LY75: variants seen among roughly 807,000 people sequenced by gnomAD.
The protein encoded by LY75 is C-type lectin domain family 13 member B.
Under a neutral mutation model 231.7 loss-of-function variants are expected in LY75, and 185 were observed. That is an observed-to-expected ratio of 0.80 (90% CI 0.71 to 0.90). The LOEUF (loss-of-function observed/expected upper bound fraction) is 0.90, where lower values mean the gene tolerates loss of function less well. Among genes scored for constraint, LY75 ranks in the 40% least tolerant of loss-of-function variants. The pLI is 0.00. For synonymous variants in LY75, 668 were observed against 689.0 expected (o/e 0.97, Z 0.48); for missense variants, 1,947 against 2,050.2 (o/e 0.95, Z 0.97).
intron 27 of LY75, among the ~76,000 whole-genome samples, chr2:159,832,226 C>G (rs1057054445): frequency 6.6e-6 from 1 of 152,112 alleles, no homozygotes; most frequent in Admixed American, 6.5e-5. Context: ...CTGTTAGGAA[C>G]CGGGCCTGTT....
intron 1 of LY75, among the ~76,000 whole-genome samples, chr2:159,900,412 G>A (rs1686040038): frequency 6.6e-6 from 1 of 152,194 alleles, no homozygotes; most frequent in Non-Finnish European, 1.5e-5. Context: ...TAAGAGTAAA[G>A]CTGAAATATT....
intron 24 of LY75, among the ~76,000 whole-genome samples, chr2:159,841,377 T>C (rs1480124234): frequency 6.6e-6 from 1 of 152,168 alleles, no homozygotes; most frequent in African/African-American, 2.4e-5. Flanking sequence ...TATTGCTTTA[T>C]AGTACTTCGC....
In LY75 at chr2:159,852,247, G is replaced by T. The variant is rs1238820183; in HGVS notation, c.2837C>A (p.Ala946Glu). The change falls in exon 21 of 35, where the codon GCA (alanine) becomes GAA (glutamate). Residue 946 changes from alanine (A) to glutamate (E), a missense_variant. Transcript: ENST00000263636. ...TTGCTCAGAACATTGCACTTTAGCT[G>T]CAGAATCTGGGCTGTATTTCTCTAA... Reference protein sequence around the residue: ...SSLEKYSPDSAAKVQCSEQWI... With the variant: ...SSLEKYSPDSEAKVQCSEQWI... The T allele has an allele frequency of 5.0e-6, 8 of 1,613,878 alleles. No homozygotes were observed. Among genetic ancestry groups the T allele is most frequent in the Non-Finnish European group, 6.8e-6 (8 of 1,179,970 alleles).
intron 27 of LY75, 67 bp from the exon 28 acceptor site, chr2:159,831,853 T>A: frequency 7.7e-7 from 1 of 1,300,378 alleles, no homozygotes; most frequent in Non-Finnish European, 1.1e-6. Flanking sequence ...TTTGATAAGT[T>A]TAAAACATTT....
At chr2:159,882,376 T>A (rs1180202159) in intron 6 of LY75, 61 bp from the exon 7 acceptor site, 1 of 1,545,942 alleles carries the variant, frequency 6.5e-7, no homozygotes, top group East Asian at 2.3e-5. Flanking sequence ...ATCAATAACA[T>A]TGCAAATTCT....
At chr2:159,833,202 A>G (rs1683719893) in intron 27 of LY75, among the ~76,000 whole-genome samples, 1 of 144,974 alleles carries the variant, frequency 6.9e-6, no homozygotes, top group Non-Finnish European at 1.5e-5. Context: ...ATCACAGCTC[A>G]CTGCACCTTC....
intron 23 of LY75, among the ~76,000 whole-genome samples, chr2:159,844,467 G>A (rs1198671946): frequency 6.6e-6 from 1 of 151,976 alleles, no homozygotes; most frequent in African/African-American, 2.4e-5. Context: ...TCAACATAAT[G>A]TTTAACAACC....
chr2:159,870,677 T>C (rs1489694015), intron 13 of LY75, among the ~76,000 whole-genome samples: 1 of 147,578 alleles, frequency 6.8e-6, no homozygotes, highest in African/African-American at 2.5e-5. Context: ...GCTAATTCTT[T>C]TTTTTTTTTT....
intron 1 of LY75, chr2:159,902,580 T>C (rs962506490): frequency 6.6e-6 from 1 of 152,252 alleles, no homozygotes; most frequent in African/African-American, 2.4e-5. Context: ...AGGATGAAGA[T>C]GGCAGCATTT....
At chr2:159,849,763 C>G (rs1321592986) in intron 23 of LY75, among the ~76,000 whole-genome samples, 2 of 152,140 alleles carry the variant, frequency 1.3e-5, no homozygotes, top group Non-Finnish European at 2.9e-5. Context: ...TTCGCCATCC[C>G]CAAAAGAAAC....
chr2:159,899,007 T>C lies in LY75; in HGVS notation c.147A>G (p.Pro49=), dbSNP rs373107757. The C allele has an allele frequency of 3.7e-6, 6 of 1,614,050 alleles. No homozygotes were observed. The highest frequency in any genetic ancestry group is 5.1e-6 in the Non-Finnish European group (6 of 1,179,992). The change falls in exon 2 of 35, where the codon CCA becomes CCG. Residue 49 remains proline (P), a synonymous_variant. Coordinates refer to ENST00000263636, the MANE Select transcript of LY75 (RefSeq NM_002349.4). ...CGTCTGCTACTATCCAGCCATACAC[T>C]GGCTTGATGCACTTGCCCGTATTTC... ...VHGNTGKCIK[P]VYGWIVADDC...
intron 21 of LY75, among the ~76,000 whole-genome samples, chr2:159,850,794 A>ATATATATATATATATATATATATG (rs1560081043): frequency 8.4e-5 from 11 of 131,510 alleles, no homozygotes; most frequent in African/African-American, 3.2e-4. Flanking sequence ...ATATATATAT[A>ATATATATATATATATATATATATG]TATATTATAT....
At chr2:159,831,462 A>T (rs1683657546) in intron 28 of LY75, among the ~76,000 whole-genome samples, 1 of 152,206 alleles carries the variant, frequency 6.6e-6, no homozygotes, top group Non-Finnish European at 1.5e-5. Flanking sequence ...TAATTCAGAA[A>T]ATTATTTTCC....
chr2:159,863,984 C>T (rs778314454), intron 14 of LY75, among the ~76,000 whole-genome samples: 4 of 152,082 alleles, frequency 2.6e-5, no homozygotes, highest in Non-Finnish European at 4.4e-5. Flanking sequence ...CAATATAAAG[C>T]CTAGATGTGT....
intron 31 of LY75, 86 bp from the exon 32 acceptor site, chr2:159,810,761 C>T: frequency 6.4e-7 from 1 of 1,559,660 alleles, no homozygotes; most frequent in East Asian, 2.2e-5. Flanking sequence ...CTGATTGGAA[C>T]TGTTGCGTTT....
intron 4 of LY75, among the ~76,000 whole-genome samples, chr2:159,887,720 C>T (rs1685638513): frequency 6.6e-6 from 1 of 152,048 alleles, no homozygotes; most frequent in African/African-American, 2.4e-5. Flanking sequence ...GAACTTGAAA[C>T]ATTAGAAACA....
At position 159,890,233 on chromosome 2, in the gene LY75, G is replaced by C; in HGVS notation, c.782C>G (p.Ala261Gly). 6.2e-7 allele frequency: 1 copy of C among 1,612,704 alleles called. No homozygotes were observed. The highest frequency in any genetic ancestry group is 2.2e-5 in the East Asian group (1 of 44,834). Residue 261 changes from alanine to glycine, a missense_variant, in exon 4 of 35, where the codon GCT becomes GGT. Coordinates refer to ENST00000263636, the MANE Select transcript of LY75 (RefSeq NM_002349.4). ...GADLLSINSA[A>G]ELTYLKEKEG... ...TCTACCTTTAAGGTAAGTTAATTCA[G>C]CAGCACTGTTGATGCTCAGTAAATC...
At position 159,885,268 on chromosome 2, in the gene LY75, A is replaced by T; in HGVS notation, c.939T>A (p.Gly313=). 6.2e-7 allele frequency: 1 copy of T among 1,613,576 alleles called. No homozygotes were observed. Among genetic ancestry groups the T allele is most frequent in the Non-Finnish European group, 8.5e-7 (1 of 1,179,658 alleles). Residue 313 remains glycine (G), a synonymous_variant, in exon 6 of 35, where the codon GGT becomes GGA. Coordinates refer to ENST00000263636, the MANE Select transcript of LY75 (RefSeq NM_002349.4). The part of the protein sequence containing the change: ...DPDRPSAPTI[G]GSSCARMDAE... ...CATCCATTCTTGCACAGCTGGAGCCACCTATAGTAGGTGCACTGGGCCTGT... is the reference window on the plus strand; with the variant it reads ...CATCCATTCTTGCACAGCTGGAGCCTCCTATAGTAGGTGCACTGGGCCTGT...
At chr2:159,874,249 AAT>A (rs1199175087) in intron 12 of LY75, among the ~76,000 whole-genome samples, 5 of 129,156 alleles carry the variant, frequency 3.9e-5, no homozygotes, top group African/African-American at 1.2e-4. Flanking sequence ...ATATATTGTA[AAT>A]ATATATATTG....
Sources: gnomAD v4.1 joint callset for allele counts (sites outside exome capture counted in the v4.1 genomes callset) on GRCh38, gnomAD v4.1.1 for gene constraint, MANE v1.5 for transcripts, NCBI Gene and HGNC (gene_info 2026-07-23, HGNC 2026-07-21) for gene names.